The following FAM184B variants were observed in gnomAD, a reference collection of about 807,000 sequenced individuals.
FAM184B encodes the protein family with sequence similarity 184 member B.
Under a neutral mutation model 135.9 loss-of-function variants are expected in FAM184B, and 111 were observed. The observed-to-expected ratio is 0.82, with a 90% confidence interval of 0.70 to 0.96. The LOEUF (loss-of-function observed/expected upper bound fraction) is 0.96, where lower values mean the gene tolerates loss of function less well. Among genes scored for constraint, FAM184B ranks in the 40% least tolerant of loss-of-function variants. FAM184B has a pLI of 0.00. For synonymous variants in FAM184B, 552 were observed against 524.8 expected (o/e 1.05, Z -0.71); for missense variants, 1,375 against 1,323.9 (o/e 1.04, Z -0.60).
At chr4:17,779,601 A>G (rs1288415226) in intron 1 of FAM184B, among the ~76,000 whole-genome samples, 5 of 152,206 alleles carry the variant, frequency 3.3e-5, no homozygotes, top group African/African-American at 1.2e-4. Flanking sequence ...GCAAGACCAT[A>G]TCTTACTAAT....
rs1415399414 is a variant in FAM184B at position 17,660,047 on chromosome 4, G to A, written c.1735C>T (p.Pro579Ser). 6.4e-7 allele frequency: 1 copy of A among 1,551,616 alleles called. No homozygotes were observed. Among genetic ancestry groups the A allele is most frequent in the Non-Finnish European group, 8.7e-7 (1 of 1,146,996 alleles). ...TTCTCCTTCAACAAAGAGCCCAGTGGAGGTTGTGGGTCACTTCCCTCCTTG... is the reference window on the plus strand; with the variant it reads ...TTCTCCTTCAACAAAGAGCCCAGTGAAGGTTGTGGGTCACTTCCCTCCTTG... ...LLKEGSDPQP[P>S]LGSLLKEKTS... The change falls in exon 9 of 18, where the codon CCA becomes TCA. Residue 579 changes from proline (P) to serine (S), a missense_variant. By Grantham distance (74) the Pro-to-Ser change is moderately conservative (BLOSUM62 -1). Coordinates refer to ENST00000265018, the MANE Select transcript of FAM184B (RefSeq NM_015688.2).
intron 1 of FAM184B, among the ~76,000 whole-genome samples, chr4:17,734,554 T>G (rs1717862348): frequency 6.6e-6 from 1 of 152,048 alleles, no homozygotes; most frequent in South Asian, 2.1e-4. Flanking sequence ...AGAAGACATT[T>G]ATGCAGCCAA....
rs910177132 is a variant in FAM184B, at chr4:17,636,609, C to T, written c.2703G>A (p.Ala901=). The T allele has an allele frequency of 4.5e-6, 7 of 1,550,684 alleles. No homozygotes were observed. The highest frequency in any genetic ancestry group is 1.4e-5 in the African/African-American group (1 of 73,026). Residue 901 remains alanine (A), a synonymous_variant, in exon 15 of 18, where the codon GCG becomes GCA. Transcript: ENST00000265018. The part of the protein sequence containing the change: ...KDSGEKPGKG[A]SRPEDLQLIG... ...TGAGCTGAAGGTCCTCGGGCCTGGA[C>T]GCTCCCTTCCCTGGCTTCTCTCCGG...
Position 17,705,286 on chromosome 4 carries a change from T to G in FAM184B, c.1171-80A>C, listed in dbSNP as rs1352052567. 3 of 1,064,704 alleles carry G rather than the reference T, an allele frequency of 2.8e-6. No homozygotes were observed. In the East Asian group the frequency reaches 7.8e-5, roughly 28 times the overall value. 66.0% of individuals were successfully genotyped at this position (1,064,704 alleles called of 1,614,324 possible). On this transcript the variant is annotated intron_variant, in intron 4 of 17. Coordinates refer to ENST00000265018, the MANE Select transcript of FAM184B (RefSeq NM_015688.2). ...AATCACCATTTCCCTTTCATACAAC[T>G]TTTACAACGTTTATACACTGTTTTT...
chr4:17,662,849 TGG>T (rs2108943595), intron 8 of FAM184B, among the ~76,000 whole-genome samples: 1 of 152,374 alleles, frequency 6.6e-6, no homozygotes, highest in East Asian at 1.9e-4. Flanking sequence ...GGGTGGGAAA[TGG>T]TGTCTCACTG....
At position 17,724,733 on chromosome 4, in the gene FAM184B, G is replaced by A. The variant is rs576655049; in HGVS notation, c.142-15089C>T. ...GAAATGAGCTCCTGAATTCAACCTC[G>A]CATAAAGCTCTTCTGAGAATGAATG... On this transcript the variant is annotated intron_variant, in intron 1 of 17. Coordinates refer to ENST00000265018, the MANE Select transcript of FAM184B (RefSeq NM_015688.2). Among the ~76,000 whole-genome samples the A allele has an allele frequency of 1.4e-4, 21 of 152,294 alleles. No homozygotes were observed. The South Asian group carries it at 3.1e-3, about 23-fold the overall frequency.
intron 6 of FAM184B, 46 bp from the exon 7 acceptor site, chr4:17,688,577 C>T: frequency 2.1e-6 from 3 of 1,396,456 alleles, no homozygotes; most frequent in Non-Finnish European, 3.0e-6. Flanking sequence ...CCAGGTTCTA[C>T]CTCCTCGATA....
chr4:17,647,690 G>A lies in FAM184B; in HGVS notation c.2293C>T (p.Gln765Ter). The stretch of plus-strand genomic sequence containing the variant: ...TCTCCTGGACACTGGCTGCTGGCTT[G>A]CTGTCTGCCCAGAGCCCTCAGCTCG... ...QAELRALGRQ[Q>*]ASSQCPGDSK... is the part of the protein sequence containing the mutation. Residue 765 changes from glutamine to a stop codon, truncating the protein, a stop_gained, in exon 12 of 18, where the codon CAA (glutamine) becomes TAA (stop). Coordinates refer to ENST00000265018, the MANE Select transcript of FAM184B (RefSeq NM_015688.2). LOFTEE classifies it high-confidence loss of function. The A allele has an allele frequency of 6.4e-7, 1 of 1,550,940 alleles. No individual in the cohort carries two copies. The highest frequency in any genetic ancestry group is 8.7e-7 in the Non-Finnish European group (1 of 1,146,982).
At chr4:17,668,825 C>T (rs183478078) in intron 7 of FAM184B, among the ~76,000 whole-genome samples, 15 of 152,270 alleles carry the variant, frequency 9.9e-5, no homozygotes, top group Non-Finnish European at 1.5e-4. Context: ...CATGAGCCAC[C>T]GCACCTGGCC....
intron 11 of FAM184B, among the ~76,000 whole-genome samples, chr4:17,652,164 G>T: frequency 1.7e-5 from 2 of 115,754 alleles, no homozygotes; most frequent in Non-Finnish European, 1.6e-5. Context: ...TTGCACTGTC[G>T]CCCAGGCTGG....
At chr4:17,708,757 G>T in intron 2 of FAM184B, 135 bp downstream of exon 2, 1 of 624,680 alleles carries the variant, frequency 1.6e-6, no homozygotes, top group Non-Finnish European at 2.5e-6. Context: ...GAATGTAGGT[G>T]AATTCAATGG....
Position 17,633,718 on chromosome 4 carries a change from G to A in FAM184B, c.3060C>T (p.Asn1020=). 2 of 1,547,846 alleles carry A rather than the reference G, an allele frequency of 1.3e-6. No homozygotes were observed. The highest frequency in any genetic ancestry group is 2.7e-5 in the African/African-American group (2 of 72,866). ...TGGCAGTTTTTGCATCTGTAGACTG[G>A]TTGGGTTTGTAGGTCCGGCCACAGC... ...SPSCGRTYKP[N]QSTDAKTATR... is the part of the protein sequence containing the mutation. The change falls in exon 17 of 18, where the codon AAC becomes AAT. Residue 1020 remains asparagine (N), a synonymous_variant. Transcript: ENST00000265018.
intron 1 of FAM184B, among the ~76,000 whole-genome samples, chr4:17,749,027 G>C (rs922565302): frequency 3.4e-5 from 5 of 147,882 alleles, no homozygotes; most frequent in African/African-American, 1.2e-4. Context: ...AGAGACAGGG[G>C]CTCGCTATGT....
intron 1 of FAM184B, among the ~76,000 whole-genome samples, chr4:17,736,671 G>A (rs1282949152): frequency 1.3e-5 from 2 of 152,172 alleles, no homozygotes; most frequent in Non-Finnish European, 2.9e-5. Flanking sequence ...GAGATACAGG[G>A]TAAGTACCTT....
intron 13 of FAM184B, among the ~76,000 whole-genome samples, chr4:17,639,885 A>G (rs1235080665): frequency 1.3e-5 from 2 of 151,290 alleles, no homozygotes; most frequent in African/African-American, 2.4e-5. Context: ...GTGGAGTGCA[A>G]TGGCACGATC....
At chr4:17,676,907 T>C (rs889075898) in intron 7 of FAM184B, among the ~76,000 whole-genome samples, 4 of 152,178 alleles carry the variant, frequency 2.6e-5, no homozygotes, top group African/African-American at 9.7e-5. Flanking sequence ...TCTAGGTTTG[T>C]GTAAGTACAC....
At chr4:17,721,308 C>T (rs1215387890) in intron 1 of FAM184B, among the ~76,000 whole-genome samples, 4 of 141,760 alleles carry the variant, frequency 2.8e-5, no homozygotes, top group Non-Finnish European at 6.1e-5. Flanking sequence ...GGCGTGAACC[C>T]GGGAGGCAGA....
chr4:17,729,089 CAGG>C (rs1427479362), intron 1 of FAM184B, among the ~76,000 whole-genome samples: 1 of 152,144 alleles, frequency 6.6e-6, no homozygotes, highest in Admixed American at 6.5e-5. Flanking sequence ...AACGGCACAC[CAGG>C]AGATTATATC....
intron 1 of FAM184B, among the ~76,000 whole-genome samples, chr4:17,758,070 A>G (rs1718462068): frequency 6.6e-6 from 1 of 152,214 alleles, no homozygotes; most frequent in African/African-American, 2.4e-5. Context: ...TATTCTCACC[A>G]AACCTGCTCA....
Sources: allele counts gnomAD v4.1 joint callset (sites outside exome capture counted in the v4.1 genomes callset), GRCh38; gene constraint gnomAD v4.1.1; transcripts MANE v1.5; gene names NCBI Gene and HGNC (gene_info 2026-07-23, HGNC 2026-07-21).